SPAM1: variants seen among roughly 807,000 people sequenced by gnomAD.
The protein encoded by SPAM1 is hyaluronidase PH-20.
SPAM1 carries 22 observed loss-of-function variants against 29.6 expected under a neutral mutation model. The observed-to-expected ratio is 0.74, with a 90% CI of 0.53 to 1.06. The LOEUF (loss-of-function observed/expected upper bound fraction) is 1.06, where lower values mean the gene tolerates loss of function less well. SPAM1 is among the 50% of genes least tolerant of loss of function. SPAM1 has a pLI of 0.00. For synonymous variants in SPAM1, 194 were observed against 204.6 expected, an observed-to-expected ratio of 0.95 and a Z score of 0.44; for missense variants, 534 against 604.0, an observed-to-expected ratio of 0.88 and a Z score of 1.21.
chr7:123,933,700 A>C (rs548941844), intron 1 of SPAM1, among the ~76,000 whole-genome samples: 29 of 152,334 alleles, frequency 1.9e-4, no homozygotes, highest in African/African-American at 6.5e-4. Flanking sequence ...CATCTGGAAT[A>C]TACAAGGAAC....
chr7:123,949,634 GT>G lies in SPAM1; in HGVS notation c.-318-237del, dbSNP rs1808696928. ...CATTTCATAGATGCTACAATACATA[GT>G]GGTGAATACTACACATGTGAATATC... is the stretch of plus-strand genomic sequence containing the variant. On this transcript the variant is annotated intron_variant, in intron 1 of 4. Transcript: ENST00000682466. Among the ~76,000 whole-genome samples the G allele has an allele frequency of 3.3e-5, 5 of 151,658 alleles. No individual in the cohort carries two copies. The South Asian group carries it at 1.0e-3, about 32-fold the overall frequency.
intron 5 of SPAM1, among the ~76,000 whole-genome samples, chr7:123,967,340 G>A (rs181467992): frequency 2.0e-5 from 3 of 152,116 alleles, no homozygotes; most frequent in African/African-American, 7.2e-5. Context: ...GCTGTTTTGT[G>A]ATTGTCTGCA....
rs141283824 is a variant in SPAM1 at position 123,930,008 on chromosome 7, T to A, written c.-319+4656T>A. 5.3e-5 allele frequency among the ~76,000 whole-genome samples: 8 copies of A among 150,794 alleles called. No individual in the cohort carries two copies. The Admixed American group carries it at 5.3e-4, about 10-fold the overall frequency. ...GAAACGTAAGTCAGGGTCTGGAGAT[T>A]CAAAATATCTTCTGGAAGGTCAGGG... On this transcript the variant is annotated intron_variant, in intron 1 of 4. Transcript: ENST00000682466.
At chr7:123,944,276 G>A (rs939986133) in intron 1 of SPAM1, among the ~76,000 whole-genome samples, 8 of 152,016 alleles carry the variant, frequency 5.3e-5, no homozygotes, top group South Asian at 4.2e-4. Context: ...AACTGCTGTC[G>A]GTTTTTAAGA....
At chr7:123,955,381 T>C (rs1792226777) in intron 4 of SPAM1, among the ~76,000 whole-genome samples, 1 of 152,056 alleles carries the variant, frequency 6.6e-6, no homozygotes, top group Admixed American at 6.6e-5. Context: ...CATGGTGTTT[T>C]GTGTCAGAAG....
intron 1 of SPAM1, among the ~76,000 whole-genome samples, chr7:123,926,235 C>T (rs1391982247): frequency 1.3e-5 from 2 of 152,116 alleles, no homozygotes; most frequent in South Asian, 2.1e-4. Context: ...CTTCTTTTCC[C>T]TTGCAACATG....
chr7:123,953,503 C>G lies in SPAM1; in HGVS notation c.-68C>G. The G allele has an allele frequency of 4.6e-6, 4 of 878,204 alleles. No homozygotes were observed. The highest frequency in any genetic ancestry group is 7.0e-6 in the Non-Finnish European group (4 of 570,356). The allele number at this position is 878,204 out of a possible 1,614,324, so 54.4% of individuals were successfully genotyped here. A position where few individuals can be genotyped will look rare whatever the true frequency, so the allele number is the denominator to read the frequency against. On this transcript the variant is annotated 5_prime_UTR_variant, in exon 3 of 5. Transcript: ENST00000682466. ...CCCTTTCATCTGTGCTCATACTTTGCATCAGATATTGGGTAAACCAAAGTG... is the reference window on the plus strand; with the variant it reads ...CCCTTTCATCTGTGCTCATACTTTGGATCAGATATTGGGTAAACCAAAGTG...
In SPAM1 at chr7:123,949,916, G is replaced by C. The variant is rs1177805718; in HGVS notation, c.-274G>C. ...ATGCTCTAGGAAGACATTGAGACCAGCCAACTTCTTGCCTTGATAACTACT... is the reference window on the plus strand; with the variant it reads ...ATGCTCTAGGAAGACATTGAGACCACCCAACTTCTTGCCTTGATAACTACT... On this transcript the variant is annotated 5_prime_UTR_variant, in exon 2 of 5. Coordinates refer to ENST00000682466, the MANE Select transcript of SPAM1 (RefSeq NM_153189.3). 6.6e-6 allele frequency: 1 copy of C among 151,338 alleles called. No individual in the cohort carries two copies. The highest frequency in any genetic ancestry group is 1.9e-4 in the East Asian group (1 of 5,158). 9.4% of individuals were successfully genotyped at this position (151,338 alleles called of 1,614,324 possible). A position where few individuals can be genotyped will look rare whatever the true frequency, so the allele number is the denominator to read the frequency against.
At chr7:123,938,465 C>T (rs55940510) in intron 1 of SPAM1, among the ~76,000 whole-genome samples, 1 of 151,954 alleles carries the variant, frequency 6.6e-6, no homozygotes, top group African/African-American at 2.4e-5. Flanking sequence ...TAAGAGGAAA[C>T]ATACTTGTTG....
chr7:123,945,126 T>C (rs907437650), intron 1 of SPAM1, among the ~76,000 whole-genome samples: 3 of 152,138 alleles, frequency 2.0e-5, no homozygotes, highest in Admixed American at 6.6e-5. Flanking sequence ...AAGATTCTTT[T>C]GCATGTAAAA....
intron 1 of SPAM1, among the ~76,000 whole-genome samples, chr7:123,944,326 A>G (rs1234856404): frequency 6.6e-6 from 1 of 152,102 alleles, no homozygotes; most frequent in African/African-American, 2.4e-5. Flanking sequence ...TCAGAAGTCA[A>G]AGCCCTGTAC....
intron 1 of SPAM1, among the ~76,000 whole-genome samples, chr7:123,941,824 TG>T (rs766425744): frequency 1.1e-4 from 16 of 152,170 alleles, no homozygotes; most frequent in Non-Finnish European, 1.9e-4. Context: ...TAGAAGAAAA[TG>T]GGTCCCTGGT....
chr7:123,960,251 A>C (rs951028691), downstream of SPAM1, among the ~76,000 whole-genome samples: 3 of 152,020 alleles, frequency 2.0e-5, no homozygotes, highest in Non-Finnish European at 2.9e-5. Context: ...TTTCACTTGC[A>C]AAACTGCCAG....
chr7:123,969,477 T>C (rs1792469557), intron 5 of SPAM1, among the ~76,000 whole-genome samples: 1 of 152,052 alleles, frequency 6.6e-6, no homozygotes, highest in African/African-American at 2.4e-5. Flanking sequence ...TGTTGAGAGA[T>C]AGGGGTACAT....
chr7:123,968,517 A>G (rs749522573), intron 5 of SPAM1, among the ~76,000 whole-genome samples: 9 of 152,042 alleles, frequency 5.9e-5, no homozygotes, highest in Non-Finnish European at 1.2e-4. Context: ...GTCTTGAGAA[A>G]GGAGCACAGG....
chr7:123,934,609 A>C (rs1357356842), intron 1 of SPAM1, among the ~76,000 whole-genome samples: 2 of 151,216 alleles, frequency 1.3e-5, no homozygotes, highest in Non-Finnish European at 3.0e-5. Context: ...TCAGTGGATG[A>C]ATGGATAAAG....
rs780152791 is a variant in SPAM1 at position 123,957,272 on chromosome 7, C to T, written c.1044+2186C>T. Among the ~76,000 whole-genome samples the T allele has an allele frequency of 6.6e-5, 10 of 151,896 alleles. No homozygotes were observed. The East Asian group carries it at 1.6e-3, about 24-fold the overall frequency. On this transcript the variant is annotated intron_variant, in intron 4 of 4. Coordinates refer to ENST00000682466, the MANE Select transcript of SPAM1 (RefSeq NM_153189.3). ...GGAAGTTATCAGAGAAGGGCATTGT[C>T]TAATTTAAAGCTGCCATCAGAATGA... is the stretch of plus-strand genomic sequence containing the variant.
chr7:123,931,757 C>T (rs1808086541), intron 1 of SPAM1, among the ~76,000 whole-genome samples: 1 of 152,124 alleles, frequency 6.6e-6, no homozygotes, highest in Non-Finnish European at 1.5e-5. Flanking sequence ...ATGGTAGCCA[C>T]TTGATGCATC....
intron 5 of SPAM1, among the ~76,000 whole-genome samples, chr7:123,969,451 A>C (rs1360862053): frequency 1.3e-5 from 2 of 151,910 alleles, no homozygotes; most frequent in African/African-American, 2.4e-5. Flanking sequence ...ATATATCTTG[A>C]GTTGATTTTT....
Sources: gnomAD v4.1 joint callset for allele counts (sites outside exome capture counted in the v4.1 genomes callset) on GRCh38, gnomAD v4.1.1 for gene constraint, MANE v1.5 for transcripts, NCBI Gene and HGNC (gene_info 2026-07-23, HGNC 2026-07-21) for gene names.